The following XPO7 variants were observed in gnomAD, a reference collection of about 807,000 sequenced individuals.
XPO7 encodes the protein exportin 7.
In XPO7, 21 loss-of-function variants were observed where a neutral mutation model predicts 144.3. That is an observed-to-expected ratio of 0.15 (90% CI 0.10 to 0.21). XPO7 has a LOEUF of 0.21. XPO7 is among the 10% of genes least tolerant of loss of function. The pLI, the probability that XPO7 is intolerant of heterozygous loss-of-function variation, is 1.00. For missense variants in XPO7, 808 were observed against 1,325.8 expected, an observed-to-expected ratio of 0.61 and a Z score of 6.06; for synonymous variants, 580 against 499.6, an observed-to-expected ratio of 1.16 and a Z score of -2.15.
At chr8:21,970,805 G>A (rs1431000587) in intron 4 of XPO7, among the ~76,000 whole-genome samples, 10 of 151,660 alleles carry the variant, frequency 6.6e-5, no homozygotes, top group African/African-American at 2.4e-4. Context: ...AATGGAACTG[G>A]AAAAAAAATG....
chr8:21,939,225 CT>C (rs11436869), intron 1 of XPO7, among the ~76,000 whole-genome samples: 111 of 142,590 alleles, frequency 7.8e-4, no homozygotes, highest in African/African-American at 1.7e-3. Context: ...TTTTTCTTTT[CT>C]TTTTTTTTTT....
At chr8:21,999,491 G>A (rs1813066591) in intron 23 of XPO7, 45 bp from the exon 24 acceptor site, 1 of 1,611,114 alleles carries the variant, frequency 6.2e-7, no homozygotes, top group Non-Finnish European at 8.5e-7. Context: ...GCATGCTGGA[G>A]TGCATAGTGC....
intron 1 of XPO7, among the ~76,000 whole-genome samples, chr8:21,950,690 T>C (rs1247688357): frequency 6.6e-6 from 1 of 152,168 alleles, no homozygotes. Flanking sequence ...TAAAAACATA[T>C]AGTATATACA....
chr8:21,934,083 A>G (rs1438935548), intron 1 of XPO7, among the ~76,000 whole-genome samples: 1 of 152,228 alleles, frequency 6.6e-6, no homozygotes, highest in Non-Finnish European at 1.5e-5. Flanking sequence ...CATAGTAGAG[A>G]TAAAGCAGAG....
chr8:21,985,793 C>G (rs1812559861), intron 13 of XPO7, 102 bp downstream of exon 13: 3 of 985,728 alleles, frequency 3.0e-6, no homozygotes, highest in South Asian at 1.3e-5. Context: ...AACATGCTAA[C>G]TGCCCATGAG....
In XPO7 at chr8:22,005,097, T is replaced by C; in HGVS notation, c.*9T>C. 1 of 1,611,512 alleles carries C rather than the reference T, an allele frequency of 6.2e-7. No homozygotes were observed. Among genetic ancestry groups the C allele is most frequent in the African/African-American group, 1.3e-5 (1 of 74,912 alleles). On this transcript the variant is annotated 3_prime_UTR_variant, in exon 28 of 28. Transcript: ENST00000252512. ...ATGACATGATGAGCTGACACCTCCT[T>C]GGACTCTACCTGTACAGAGCAGCGT...
rs79107070 is a variant in XPO7, at chr8:21,934,163, A to C, written c.18+14375A>C. 3.2e-3 allele frequency among the ~76,000 whole-genome samples: 495 copies of C among 152,328 alleles called. 3 individuals carry two copies. The highest frequency in any genetic ancestry group is 0.011 in the African/African-American group (477 of 41,574). On this transcript the variant is annotated intron_variant, in intron 1 of 27. Coordinates refer to ENST00000252512, the MANE Select transcript of XPO7 (RefSeq NM_015024.5). ...CAGTAAATTATACCAATAAATATAT[A>C]TTTATAAATTGCAATGAGTGCTGTG...
chr8:21,925,288 CAT>C (rs1810423526), intron 1 of XPO7, among the ~76,000 whole-genome samples: 1 of 152,206 alleles, frequency 6.6e-6, no homozygotes, highest in South Asian at 2.1e-4. Flanking sequence ...CCCCTTCGCA[CAT>C]GTGTGCATGC....
intron 1 of XPO7, among the ~76,000 whole-genome samples, chr8:21,928,576 C>G (rs1411871847): frequency 1.3e-5 from 2 of 152,136 alleles, no homozygotes; most frequent in Admixed American, 6.5e-5. Context: ...TTCTTTTTGC[C>G]TTTCTAGTAG....
chr8:21,964,135 C>T (rs1811810795), intron 1 of XPO7: 1 of 152,164 alleles, frequency 6.6e-6, no homozygotes, highest in Non-Finnish European at 1.5e-5. Flanking sequence ...ACCAAATGTG[C>T]TTTTCTATTC....
intron 1 of XPO7, among the ~76,000 whole-genome samples, chr8:21,924,776 T>C (rs1810405724): frequency 6.6e-6 from 1 of 152,238 alleles, no homozygotes; most frequent in Non-Finnish European, 1.5e-5. Context: ...TTTACAAGTA[T>C]TTCTCTTTTG....
chr8:21,958,977 A>C (rs1454026563), intron 1 of XPO7, among the ~76,000 whole-genome samples: 1 of 140,330 alleles, frequency 7.1e-6, no homozygotes, highest in African/African-American at 2.7e-5. Context: ...AAAAAAAAAA[A>C]AGAGGCAAAG....
rs778063067 is a variant in XPO7 at position 22,003,303 on chromosome 8, T to C, written c.3028T>C (p.Leu1010=). 1.2e-4 allele frequency: 198 copies of C among 1,610,752 alleles called. 1 individual carries two copies. Among genetic ancestry groups the C allele is most frequent in the Middle Eastern group, 4.9e-4 (3 of 6,078 alleles). Residue 1010 remains leucine (L), a synonymous_variant, in exon 26 of 28, where the codon TTG becomes CTG. Coordinates refer to ENST00000252512, the MANE Select transcript of XPO7 (RefSeq NM_015024.5). Reference sequence around the variant, plus strand: ...GTCCCGACCACTACTTGGCTTGATATTGCTTAATGAAAAGGTGAGAGAGCC... The same window carrying C: ...GTCCCGACCACTACTTGGCTTGATACTGCTTAATGAAAAGGTGAGAGAGCC... ...SMSRPLLGLI[L]LNEKYFSDLR...
At chr8:21,998,975 G>T in intron 22 of XPO7, 116 bp from the exon 23 acceptor site, 1 of 1,456,446 alleles carries the variant, frequency 6.9e-7, no homozygotes. Flanking sequence ...ATGTGCATTA[G>T]AGTGCCACCT....
chr8:21,971,122 A>G (rs1326331310), intron 4 of XPO7, among the ~76,000 whole-genome samples: 1 of 152,344 alleles, frequency 6.6e-6, no homozygotes, highest in Non-Finnish European at 1.5e-5. Context: ...AGTTGCCCAC[A>G]GTATAGTCAC....
chr8:22,002,630 AG>A (rs1813189763), intron 25 of XPO7, among the ~76,000 whole-genome samples: 3 of 151,562 alleles, frequency 2.0e-5, no homozygotes, highest in African/African-American at 7.4e-5. Flanking sequence ...TTTACAAAAC[AG>A]GAAGAAGAAT....
intron 1 of XPO7, among the ~76,000 whole-genome samples, chr8:21,920,901 GTC>G (rs1810260021): frequency 6.6e-6 from 1 of 152,136 alleles, no homozygotes; most frequent in South Asian, 2.1e-4. Flanking sequence ...TTCTTAATAC[GTC>G]TACAAGAATC....
At chr8:21,996,453 T>C (rs1812950760) in intron 21 of XPO7, among the ~76,000 whole-genome samples, 1 of 152,156 alleles carries the variant, frequency 6.6e-6, no homozygotes, top group Admixed American at 6.5e-5. Flanking sequence ...ATGTCTACTC[T>C]TAGGAGAAGT....
At chr8:21,945,568 A>G (rs957867127) in intron 1 of XPO7, among the ~76,000 whole-genome samples, 1 of 152,248 alleles carries the variant, frequency 6.6e-6, no homozygotes, top group African/African-American at 2.4e-5. Context: ...GTGGCATGGT[A>G]CGTTATCTGA....
Sources: gnomAD v4.1 joint callset for allele counts (sites outside exome capture counted in the v4.1 genomes callset) on GRCh38, gnomAD v4.1.1 for gene constraint, MANE v1.5 for transcripts, NCBI Gene and HGNC (gene_info 2026-07-23, HGNC 2026-07-21) for gene names.